Variants in ANKRD26 observed in about 807,000 individuals in gnomAD.
The protein encoded by ANKRD26 is ankyrin repeat domain 26.
A neutral mutation model predicts 208.7 loss-of-function variants in ANKRD26; 141 were observed. That is an observed-to-expected ratio of 0.68 (90% CI 0.59 to 0.78). The LOEUF (loss-of-function observed/expected upper bound fraction) is 0.78, where lower values mean the gene tolerates loss of function less well. Ranked by LOEUF, ANKRD26 falls within the 30% of genes least tolerant of loss-of-function variation. The pLI is 0.00. For missense variants in ANKRD26, 1,889 were observed against 1,938.7 expected (o/e 0.97, Z 0.48); for synonymous variants, 636 against 660.4 (o/e 0.96, Z 0.57).
chr10:26,967,863 C>T, the ANKRD26 span, among the ~76,000 whole-genome samples: 1 of 152,120 alleles, frequency 6.6e-6, no homozygotes. Flanking sequence ...CTTAAATCTG[C>T]AGACTCTTCT....
chr10:27,098,883 A>G (rs1342718019), intron 1 of ANKRD26, among the ~76,000 whole-genome samples: 2 of 152,126 alleles, frequency 1.3e-5, no homozygotes, highest in Admixed American at 1.3e-4. Flanking sequence ...TTTTCAGCTA[A>G]CACAAGACCA....
intron 16 of ANKRD26, chr10:27,051,740 G>A (rs915365436): frequency 1.0e-5 from 10 of 985,242 alleles, no homozygotes; most frequent in Non-Finnish European, 1.2e-5. Flanking sequence ...ATAGTACAGA[G>A]ACAGGAGAAT....
At chr10:26,969,697 T>C (rs2052115570), downstream of ANKRD26, among the ~76,000 whole-genome samples, 1 of 152,180 alleles carries the variant, frequency 6.6e-6, no homozygotes, top group Non-Finnish European at 1.5e-5. Context: ...GAAGAATACC[T>C]ACTTAGATTA....
intron 33 of ANKRD26, among the ~76,000 whole-genome samples, chr10:27,006,658 G>A (rs1408341465): frequency 6.8e-6 from 1 of 146,206 alleles, no homozygotes; most frequent in Admixed American, 6.8e-5. Flanking sequence ...AAAGTGTAGA[G>A]CCGGAAAAAA....
chr10:27,001,407 A>C (rs2052722149), downstream of ANKRD26, among the ~76,000 whole-genome samples: 1 of 152,186 alleles, frequency 6.6e-6, no homozygotes, highest in Non-Finnish European at 1.5e-5. Flanking sequence ...TGAGAGAAAG[A>C]AAAGCTCTCC....
At chr10:26,976,603 AATG>A (rs2052230672) in intron 5 of ANKRD26, among the ~76,000 whole-genome samples, 1 of 152,208 alleles carries the variant, frequency 6.6e-6, no homozygotes, top group Admixed American at 6.5e-5. Context: ...TTTGCTGTAC[AATG>A]ATAATGACTT....
chr10:27,063,829 T>C (rs1005596665), intron 12 of ANKRD26, among the ~76,000 whole-genome samples, 159 bp downstream of exon 12: 2 of 152,206 alleles, frequency 1.3e-5, no homozygotes, highest in African/African-American at 4.8e-5. Flanking sequence ...AATCTGTTGC[T>C]GACACCTAAG....
In ANKRD26 at chr10:27,029,370, T is replaced by TA. The variant is rs368301579; in HGVS notation, c.3808-15dup. 3.9e-4 allele frequency: 634 copies of TA among 1,607,112 alleles called. 2 individuals carry two copies. In the African/African-American group the frequency reaches 6.7e-3, roughly 17 times the overall value. Reference sequence around the variant, plus strand: ...TGCTTCTTGCAACTAAAACAAAGAATAAAAAAAACCCACTTTACTAATAAT... The same window carrying TA: ...TGCTTCTTGCAACTAAAACAAAGAATAAAAAAAAACCCACTTTACTAATAAT... On this transcript the variant is annotated splice_polypyrimidine_tract_variant and intron_variant, in intron 25 of 33. Transcript: ENST00000376087.
At chr10:27,058,868 G>A (rs1471412065) in intron 15 of ANKRD26, among the ~76,000 whole-genome samples, 3 of 151,710 alleles carry the variant, frequency 2.0e-5, no homozygotes, top group Non-Finnish European at 2.9e-5. Flanking sequence ...GAGGCACCGC[G>A]CCCAGCCCAC....
the ANKRD26 span, among the ~76,000 whole-genome samples, chr10:26,953,901 T>G: frequency 2.0e-5 from 3 of 152,184 alleles, no homozygotes; most frequent in Non-Finnish European, 4.4e-5. Flanking sequence ...AGTACAAAAT[T>G]ATAACTACTA....
chr10:27,084,705 C>T (rs2056051561), intron 5 of ANKRD26, among the ~76,000 whole-genome samples: 1 of 151,948 alleles, frequency 6.6e-6, no homozygotes, highest in African/African-American at 2.4e-5. Flanking sequence ...CCTATCTCAA[C>T]TAAAAATATA....
intron 17 of ANKRD26, among the ~76,000 whole-genome samples, chr10:27,047,296 A>C (rs2054482197): frequency 2.0e-5 from 3 of 152,140 alleles, no homozygotes; most frequent in Non-Finnish European, 4.4e-5. Context: ...CCAAAATAGC[A>C]ATATTCTGAT....
chr10:26,991,934 G>A (rs2052494098), exon 6 of ANKRD26: 1 of 152,170 alleles, frequency 6.6e-6, no homozygotes, highest in African/African-American at 2.4e-5. Context: ...ATAGGGCGGA[G>A]GAAGCACTCA....
intron 7 of ANKRD26, 40 bp downstream of exon 7, chr10:27,079,049 T>C (rs1431985902): frequency 1.3e-6 from 2 of 1,540,264 alleles, no homozygotes; most frequent in Non-Finnish European, 1.8e-6. Flanking sequence ...CGAAACTAGA[T>C]TCAGAGTAAG....
At chr10:27,009,588 G>A (rs2053018741) in intron 32 of ANKRD26, among the ~76,000 whole-genome samples, 1 of 152,152 alleles carries the variant, frequency 6.6e-6, no homozygotes, top group Non-Finnish European at 1.5e-5. Flanking sequence ...AGGTAGACAA[G>A]GTGCCATCGA....
chr10:26,987,793 C>T (rs2052415240), downstream of ANKRD26, among the ~76,000 whole-genome samples: 2 of 152,118 alleles, frequency 1.3e-5, no homozygotes, highest in South Asian at 4.1e-4. Context: ...AGAAGGGTCT[C>T]AAGAGAATGC....
Position 27,023,017 on chromosome 10 carries a change from G to C in ANKRD26, c.4086-330C>G, listed in dbSNP as rs557039581. ...AATATTAGCTATAAACCAGAGATCA[G>C]AGTCCAAGGTGAAGAGGAAAATCAT... On this transcript the variant is annotated intron_variant, in intron 28 of 33. Transcript: ENST00000376087. Among the ~76,000 whole-genome samples the C allele has an allele frequency of 3.3e-5, 5 of 152,220 alleles. No individual in the cohort carries two copies. In the East Asian group the frequency reaches 7.7e-4, roughly 24 times the overall value.
At chr10:26,965,126 A>G in the ANKRD26 span, among the ~76,000 whole-genome samples, 2 of 152,324 alleles carry the variant, frequency 1.3e-5, no homozygotes, top group South Asian at 4.1e-4. Flanking sequence ...ATTGGAAAAA[A>G]ACTAATTTAA....
intron 6 of ANKRD26, chr10:27,080,796 T>C (rs1238476164): frequency 2.0e-6 from 2 of 985,350 alleles, no homozygotes; most frequent in Non-Finnish European, 2.4e-6. Flanking sequence ...AAATGGAGTC[T>C]CTGTCATCTG....
Sources: gnomAD v4.1 joint callset for allele counts (sites outside exome capture counted in the v4.1 genomes callset) on GRCh38, gnomAD v4.1.1 for gene constraint, MANE v1.5 for transcripts, NCBI Gene and HGNC (gene_info 2026-07-23, HGNC 2026-07-21) for gene names.